Variants in RGS3 observed in about 807,000 individuals in gnomAD.
The protein encoded by RGS3 is regulator of G-protein signalling 3.
In RGS3, 80 loss-of-function variants were observed where a neutral mutation model predicts 132.6. The ratio of observed to expected loss-of-function variants is 0.60; its 90% CI spans 0.50 to 0.73. The LOEUF is 0.73. Among genes scored for constraint, RGS3 ranks in the 30% least tolerant of loss-of-function variants. RGS3 has a pLI of 0.00. For missense variants in RGS3, 1,382 were observed against 1,530.8 expected, an observed-to-expected ratio of 0.90 and a Z score of 1.62; for synonymous variants, 598 against 620.6, an observed-to-expected ratio of 0.96 and a Z score of 0.54.
chr9:113,479,879 C>A (rs1830105905), intron 4 of RGS3, among the ~76,000 whole-genome samples: 1 of 152,120 alleles, frequency 6.6e-6, no homozygotes, highest in African/African-American at 2.4e-5. Flanking sequence ...TCCATCCTTT[C>A]TTCTTTTCTC....
rs1835415537 is a variant in RGS3 at position 113,591,372 on chromosome 9, T to G, written c.3055T>G (p.Ser1019Ala). The G allele has an allele frequency of 1.2e-6, 2 of 1,613,680 alleles. No individual in the cohort carries two copies. The highest frequency in any genetic ancestry group is 2.2e-5 in the East Asian group (1 of 44,882). Residue 1019 changes from serine (S) to alanine (A), a missense_variant, in exon 21 of 25, where the codon TCC (serine) becomes GCC (alanine). By Grantham distance (99) the Ser-to-Ala change is moderately conservative (BLOSUM62 1). Coordinates refer to ENST00000350696, the Ensembl canonical transcript of RGS3. The surrounding 1 kb of genome is among the most constrained non-coding windows in gnomAD (Gnocchi z 4.4). ...CACCGTTGGGGATGATGACGAAGCC[T>G]CCCGGAAGAGAAAGAGCAAAAACCT...
At chr9:113,454,321 T>A (rs1296055376) in intron 1 of RGS3, among the ~76,000 whole-genome samples, 1 of 152,172 alleles carries the variant, frequency 6.6e-6, no homozygotes, top group Non-Finnish European at 1.5e-5. Flanking sequence ...TAGAAACAGT[T>A]TGATCCTAGC....
chr9:113,469,679 T>A (rs548832903), intron 3 of RGS3, among the ~76,000 whole-genome samples: 2 of 152,258 alleles, frequency 1.3e-5, no homozygotes, highest in Non-Finnish European at 2.9e-5. Flanking sequence ...GATAATGCAG[T>A]TTTTTTCTTT....
intron 3 of RGS3, among the ~76,000 whole-genome samples, chr9:113,464,091 C>T (rs1255451061): frequency 7.2e-5 from 11 of 152,210 alleles, no homozygotes; most frequent in Admixed American, 7.2e-4. Flanking sequence ...ACCTGCTGCC[C>T]GGCCATGAGT....
intron 18 of RGS3, 117 bp downstream of exon 16, chr9:113,529,381 G>A (rs1162838759): frequency 1.1e-5 from 10 of 909,630 alleles, no homozygotes; most frequent in South Asian, 2.7e-5. Context: ...CACTCATGCC[G>A]AAGTCCTGGG....
At chr9:113,539,606 G>A (rs779614543) in intron 19 of RGS3, among the ~76,000 whole-genome samples, 1 of 152,118 alleles carries the variant, frequency 6.6e-6, no homozygotes, top group Non-Finnish European at 1.5e-5. Flanking sequence ...ACCTTCTGCT[G>A]AACAAAGGAA....
intron 10 of RGS3, among the ~76,000 whole-genome samples, chr9:113,502,901 G>A (rs1250792125): frequency 1.3e-5 from 2 of 152,246 alleles, no homozygotes; most frequent in Non-Finnish European, 2.9e-5. Context: ...CTCCTAGTCA[G>A]TAAAATAGGA....
chr9:113,455,377 C>G (rs974863160), upstream of RGS3, among the ~76,000 whole-genome samples: 1 of 152,152 alleles, frequency 6.6e-6, no homozygotes, highest in African/African-American at 2.4e-5. Context: ...CCAAGTTGCT[C>G]ATTATCAGGC....
At chr9:113,535,566 A>C (rs1172408632) in intron 18 of RGS3, among the ~76,000 whole-genome samples, 1 of 152,162 alleles carries the variant, frequency 6.6e-6, no homozygotes. Context: ...CCCTCCTAGT[A>C]GCTCTGAAAG....
intron 10 of RGS3, among the ~76,000 whole-genome samples, chr9:113,500,225 T>C (rs560204868): frequency 6.6e-6 from 1 of 152,216 alleles, no homozygotes; most frequent in Non-Finnish European, 1.5e-5. Context: ...AGAGGCTTGG[T>C]TGGGGCCGGG....
intron 3 of RGS3, among the ~76,000 whole-genome samples, chr9:113,466,165 A>G (rs1353731515): frequency 1.3e-5 from 2 of 152,194 alleles, no homozygotes; most frequent in Non-Finnish European, 2.9e-5. Flanking sequence ...CCAGGTTTGG[A>G]AGCTATGGAT....
chr9:113,541,585 G>T (rs896325285), intron 19 of RGS3: 4 of 1,360,706 alleles, frequency 2.9e-6, no homozygotes, highest in Non-Finnish European at 2.8e-6. Flanking sequence ...GCATGTGGAT[G>T]TCAACAGAAG....
rs191544898 is a variant in RGS3 at position 113,589,407 on chromosome 9, C to T, written c.3016-1926C>T. Among the ~76,000 whole-genome samples the T allele has an allele frequency of 3.3e-4, 51 of 152,282 alleles. 1 individual carries two copies. Among genetic ancestry groups the T allele is most frequent in the Admixed American group, 2.9e-3 (44 of 15,306 alleles). ...TCCCCAGCAGCCCAGGGGGCTGACT[C>T]CTAGGGCCAGAGCTGCCCAGCCCCT... On this transcript the variant is annotated intron_variant, in intron 20 of 24. Coordinates refer to ENST00000350696, the Ensembl canonical transcript of RGS3.
chr9:113,508,680 C>A, intron 14 of RGS3, 100 bp downstream of exon 12: 2 of 1,197,960 alleles, frequency 1.7e-6, no homozygotes, highest in South Asian at 1.2e-5. Context: ...GAGGCCTTTC[C>A]AATGGAGTCA....
At chr9:113,542,266 G>A (rs900395680) in intron 19 of RGS3, among the ~76,000 whole-genome samples, 1 of 152,184 alleles carries the variant, frequency 6.6e-6, no homozygotes, top group African/African-American at 2.4e-5. Context: ...TGGGCTGGAG[G>A]AATGGCGAGC....
upstream of RGS3, among the ~76,000 whole-genome samples, chr9:113,457,160 G>A (rs1829382126): frequency 1.3e-5 from 2 of 152,166 alleles, no homozygotes; most frequent in Non-Finnish European, 2.9e-5. Flanking sequence ...CACGTTCTAA[G>A]TTCCCTGCCA....
intron 3 of RGS3, among the ~76,000 whole-genome samples, chr9:113,471,977 T>A (rs1438985947): frequency 6.6e-6 from 1 of 152,194 alleles, no homozygotes; most frequent in Non-Finnish European, 1.5e-5. Context: ...AGGATTTGAA[T>A]AGACATTTTT....
chr9:113,495,297 C>T (rs114077677), intron 7 of RGS3, among the ~76,000 whole-genome samples: 2 of 152,226 alleles, frequency 1.3e-5, no homozygotes, highest in Non-Finnish European at 2.9e-5. Flanking sequence ...TTGGTCTCAG[C>T]AGCTTTTGTG....
intron 3 of RGS3, among the ~76,000 whole-genome samples, chr9:113,465,812 G>C (rs908936649): frequency 2.6e-5 from 4 of 152,208 alleles, no homozygotes; most frequent in East Asian, 3.9e-4. Context: ...GCTCTTATTC[G>C]TGCAGGCTCC....
Sources: allele counts gnomAD v4.1 joint callset (sites outside exome capture counted in the v4.1 genomes callset), GRCh38; gene constraint gnomAD v4.1.1; non-coding constraint Gnocchi (gnomAD v3.1); transcripts MANE v1.5; gene names NCBI Gene and HGNC (gene_info 2026-07-23, HGNC 2026-07-21).